Variants in DCK observed in about 807,000 individuals in gnomAD.
DCK encodes deoxyadenosine kinase.
Under a neutral mutation model 38.3 loss-of-function variants are expected in DCK, and 23 were observed. The observed-to-expected ratio is 0.60, with a 90% CI of 0.43 to 0.85. The LOEUF is 0.85. DCK is among the 40% of genes least tolerant of loss of function. The pLI is 0.00. For synonymous variants in DCK, 108 were observed against 100.6 expected (o/e 1.07, Z -0.44); for missense variants, 259 against 304.4 (o/e 0.85, Z 1.11).
intron 2 of DCK, among the ~76,000 whole-genome samples, chr4:71,018,920 C>T (rs1291500645): frequency 6.6e-6 from 1 of 152,094 alleles, no homozygotes; most frequent in African/African-American, 2.4e-5. Flanking sequence ...GATCCGCCTG[C>T]CTCGGACTCC....
rs1323663947 is a variant in DCK, at chr4:71,022,517, G to C, written c.358G>C (p.Glu120Gln). 1 of 1,600,220 alleles carries C rather than the reference G, an allele frequency of 6.2e-7. No individual in the cohort carries two copies. The highest frequency in any genetic ancestry group is 8.5e-7 in the Non-Finnish European group (1 of 1,175,328). Residue 120 changes from glutamate to glutamine, a missense_variant, in exon 3 of 7, where the codon GAG (glutamate) becomes CAG (glutamine). This residue lies in a region of DCK where 159 missense variants were observed against 159.0 expected (regional missense o/e 1.00). Coordinates refer to ENST00000286648, the MANE Select transcript of DCK (RefSeq NM_000788.3). ...TCTGAATGGCAAGCTCAAAGATGCAGAGAAACCTGTATTATTTTTTGAACG... is the reference window on the plus strand; with the variant it reads ...TCTGAATGGCAAGCTCAAAGATGCACAGAAACCTGTATTATTTTTTGAACG... ...ASLNGKLKDA[E>Q]KPVLFFERSV...
intron 2 of DCK, among the ~76,000 whole-genome samples, chr4:71,021,629 C>T (rs1334912507): frequency 6.6e-6 from 1 of 152,024 alleles, no homozygotes; most frequent in Non-Finnish European, 1.5e-5. Flanking sequence ...GATTAATAAG[C>T]CAGAGAGCAT....
At chr4:71,012,896 G>A (rs1740139861) in intron 2 of DCK, among the ~76,000 whole-genome samples, 1 of 152,188 alleles carries the variant, frequency 6.6e-6, no homozygotes, top group African/African-American at 2.4e-5. Flanking sequence ...CGCCAGCAAC[G>A]GAACAAAGCT....
chr4:71,022,582 G>A (rs368359325), intron 3 of DCK, 22 bp downstream of exon 3: 25 of 1,339,164 alleles, frequency 1.9e-5, no homozygotes, highest in South Asian at 4.3e-5. Flanking sequence ...TGGCTTGTAC[G>A]TGGCCATTTG....
chr4:71,023,618 T>C lies in DCK; in HGVS notation c.461T>C (p.Ile154Thr). The change falls in exon 4 of 7, where the codon ATT (isoleucine) becomes ACT (threonine). Residue 154 changes from isoleucine (I) to threonine (T), a missense_variant. This residue lies in a region of DCK where 18 missense variants were observed against 41.6 expected (regional missense o/e 0.43). Transcript: ENST00000286648. ...TGCATGAATGAGACAGAGTGGACAA[T>C]TTATCAAGACTGGCATGACTGGATG... ...SECMNETEWTIYQDWHDWMNN... is the reference protein window; with the variant it reads ...SECMNETEWTTYQDWHDWMNN... The C allele has an allele frequency of 6.2e-7, 1 of 1,612,380 alleles. No homozygotes were observed. The highest frequency in any genetic ancestry group is 8.5e-7 in the Non-Finnish European group (1 of 1,178,748).
intron 4 of DCK, among the ~76,000 whole-genome samples, chr4:71,023,924 G>T (rs1038280950): frequency 3.3e-5 from 5 of 152,042 alleles, no homozygotes; most frequent in African/African-American, 1.2e-4. Context: ...TAGGCTCTTT[G>T]TGCTTCCTCA....
At chr4:70,994,972 A>C (rs1436499989) in intron 1 of DCK, among the ~76,000 whole-genome samples, 1 of 152,192 alleles carries the variant, frequency 6.6e-6, no homozygotes, top group African/African-American at 2.4e-5. Context: ...TTTTAGCTCC[A>C]GGTTGGGTGC....
Position 70,993,684 on chromosome 4 carries a change from C to A in DCK, c.-152C>A, listed in dbSNP as rs1739589166. 2 of 581,120 alleles carry A rather than the reference C, an allele frequency of 3.4e-6. No individual in the cohort carries two copies. Among genetic ancestry groups the A allele is most frequent in the Non-Finnish European group, 6.0e-6 (2 of 331,272 alleles). 36.0% of individuals were successfully genotyped at this position (581,120 alleles called of 1,614,324 possible). On this transcript the variant is annotated 5_prime_UTR_variant, in exon 1 of 7. Transcript: ENST00000286648. Reference sequence around the variant, plus strand: ...GCTGCCTCCGCGCGCCAAAGTCAAACCCCGACACCCGCCGGCGGGCCGGTG... The same window carrying A: ...GCTGCCTCCGCGCGCCAAAGTCAAAACCCGACACCCGCCGGCGGGCCGGTG...
chr4:71,026,539 A>G, intron 5 of DCK, 126 bp from the exon 6 acceptor site: 2 of 652,326 alleles, frequency 3.1e-6, no homozygotes. Context: ...AAGTACTGCA[A>G]AGTAACTTTA....
chr4:71,014,984 T>A (rs1187801678), intron 2 of DCK, among the ~76,000 whole-genome samples: 4 of 152,178 alleles, frequency 2.6e-5, no homozygotes, highest in Non-Finnish European at 4.4e-5. Flanking sequence ...ATCCAGGAGC[T>A]GGTTTTTTGA....
chr4:70,996,527 A>G (rs1739664922), intron 1 of DCK, among the ~76,000 whole-genome samples: 1 of 152,028 alleles, frequency 6.6e-6, no homozygotes. Context: ...GTTCCTTGCC[A>G]TTTTTCGTCT....
intron 3 of DCK, among the ~76,000 whole-genome samples, chr4:71,023,350 G>T (rs546827895): frequency 1.3e-5 from 2 of 152,262 alleles, no homozygotes; most frequent in African/African-American, 4.8e-5. Context: ...GAACCCCTTA[G>T]AAGATCTTGG....
At chr4:71,000,283 T>G (rs1233339847) in intron 2 of DCK, among the ~76,000 whole-genome samples, 1 of 152,242 alleles carries the variant, frequency 6.6e-6, no homozygotes, top group East Asian at 1.9e-4. Flanking sequence ...TAGGGAATCC[T>G]TTCCCCATTG....
At chr4:71,010,939 CT>C (rs112039606) in intron 2 of DCK, among the ~76,000 whole-genome samples, 1,777 of 141,356 alleles carry the variant, frequency 0.013, 31 homozygotes, top group African/African-American at 0.037. Context: ...ATAAGTCATT[CT>C]TTTTTTTTTT....
At chr4:71,011,958 T>C (rs1390538295) in intron 2 of DCK, among the ~76,000 whole-genome samples, 3 of 152,228 alleles carry the variant, frequency 2.0e-5, no homozygotes, top group Admixed American at 6.5e-5. Context: ...TAATGTAATA[T>C]ATTAAATTTT....
At chr4:70,995,590 C>T (rs138973309) in intron 1 of DCK, among the ~76,000 whole-genome samples, 82 of 152,050 alleles carry the variant, frequency 5.4e-4, no homozygotes, top group Non-Finnish European at 1.0e-3. Context: ...AACACAGAAA[C>T]AAAACAGTAA....
chr4:70,994,927 A>G (rs1405996096), intron 1 of DCK, among the ~76,000 whole-genome samples: 1 of 152,184 alleles, frequency 6.6e-6, no homozygotes, highest in South Asian at 2.1e-4. Flanking sequence ...CCTACCCCTG[A>G]AACTTCCTGT....
chr4:71,021,111 C>T (rs1422197256), intron 2 of DCK, among the ~76,000 whole-genome samples: 6 of 145,256 alleles, frequency 4.1e-5, no homozygotes, highest in Admixed American at 2.8e-4. Context: ...CTCTGTCGCC[C>T]AGGCTGGACT....
intron 2 of DCK, among the ~76,000 whole-genome samples, chr4:71,015,281 G>C (rs1288704088): frequency 6.6e-6 from 1 of 152,142 alleles, no homozygotes; most frequent in Non-Finnish European, 1.5e-5. Flanking sequence ...TGGAATTGAG[G>C]CAATAGTTAA....
Sources: allele counts gnomAD v4.1 joint callset (sites outside exome capture counted in the v4.1 genomes callset), GRCh38; gene constraint gnomAD v4.1.1; regional missense constraint gnomAD v4.1.1; transcripts MANE v1.5; gene names NCBI Gene and HGNC (gene_info 2026-07-23, HGNC 2026-07-21).